Variants in EHBP1 observed in about 807,000 individuals in gnomAD.
The protein encoded by EHBP1 is EH domain binding protein 1.
EHBP1 carries 55 observed loss-of-function variants against 144.0 expected under a neutral mutation model. The observed-to-expected ratio is 0.38, with a 90% CI of 0.31 to 0.48. The LOEUF is 0.48. Among genes scored for constraint, EHBP1 ranks in the 20% least tolerant of loss-of-function variants. EHBP1 has a pLI of 0.98. For synonymous variants in EHBP1, 469 were observed against 472.7 expected (o/e 0.99, Z 0.10); for missense variants, 1,200 against 1,364.2 (o/e 0.88, Z 1.90).
At chr2:63,000,838 G>A (rs763950508) in intron 19 of EHBP1, among the ~76,000 whole-genome samples, 3 of 152,170 alleles carry the variant, frequency 2.0e-5, no homozygotes, top group Admixed American at 1.3e-4. Context: ...GTGTGTGTAC[G>A]TCTGTGTATA....
Position 62,863,837 on chromosome 2 carries a change from G to GTTTTTTTTTTTTTTTTT in EHBP1, c.758-892_758-891insTTTTTTTTTTTTTTTTT, listed in dbSNP as rs1354945636. 5.4e-5 allele frequency among the ~76,000 whole-genome samples: 4 copies of GTTTTTTTTTTTTTTTTT among 74,576 alleles called. 1 individual carries two copies. The highest frequency in any genetic ancestry group is 1.5e-4 in the African/African-American group (3 of 20,316). 48.9% of individuals were successfully genotyped at this position (74,576 alleles called of 152,430 possible). On this transcript the variant is annotated intron_variant, in intron 8 of 22. Transcript: ENST00000431489. ...ATTTTTTTAAATTTTATTTTTCTGT[G>GTTTTTTTTTTTTTTTTT]TTGTTTTTTTTTTTTTTTTTTTTTT...
chr2:62,952,086 T>C (rs2057422767), intron 13 of EHBP1, among the ~76,000 whole-genome samples: 1 of 152,200 alleles, frequency 6.6e-6, no homozygotes, highest in African/African-American at 2.4e-5. Flanking sequence ...TCTATTCAGA[T>C]GATTAAAGTG....
intron 19 of EHBP1, among the ~76,000 whole-genome samples, chr2:63,028,017 C>T (rs2061059692): frequency 6.6e-6 from 1 of 152,054 alleles, no homozygotes; most frequent in African/African-American, 2.4e-5. Flanking sequence ...CCTGTCTTGG[C>T]CTCTGAAAGT....
intron 14 of EHBP1, among the ~76,000 whole-genome samples, chr2:62,970,408 T>C (rs1283518430): frequency 1.3e-5 from 2 of 152,168 alleles, no homozygotes; most frequent in Non-Finnish European, 2.9e-5. Context: ...TGGGTTTTTT[T>C]TGGTAGAAAC....
intron 14 of EHBP1, among the ~76,000 whole-genome samples, chr2:62,959,976 A>T (rs764119527): frequency 2.0e-5 from 3 of 152,200 alleles, no homozygotes; most frequent in Non-Finnish European, 4.4e-5. Context: ...CAGTACAGTT[A>T]GCTACTTGTG....
intron 12 of EHBP1, among the ~76,000 whole-genome samples, chr2:62,947,491 A>G (rs764193759): frequency 6.6e-6 from 1 of 152,210 alleles, no homozygotes; most frequent in Non-Finnish European, 1.5e-5. Context: ...ACTTTCTCTG[A>G]GAGTATATCT....
intron 3 of EHBP1, among the ~76,000 whole-genome samples, chr2:62,751,582 C>A (rs191135567): frequency 6.6e-6 from 1 of 152,052 alleles, no homozygotes; most frequent in Non-Finnish European, 1.5e-5. Context: ...CTTGTACCTC[C>A]GGTAGAATTC....
intron 21 of EHBP1, chr2:63,044,617 G>C (rs2061851101): frequency 6.5e-6 from 1 of 153,740 alleles, no homozygotes; most frequent in Admixed American, 6.4e-5. Context: ...GGGTGAGAGT[G>C]GGGGTGGGGG....
intron 19 of EHBP1, among the ~76,000 whole-genome samples, chr2:63,007,806 A>G (rs946590953): frequency 6.6e-6 from 1 of 151,858 alleles, no homozygotes; most frequent in African/African-American, 2.4e-5. Flanking sequence ...TTTTTAGTAC[A>G]TCTCTATTGA....
At chr2:62,973,132 TG>T (rs1215338618) in intron 14 of EHBP1, among the ~76,000 whole-genome samples, 2 of 152,132 alleles carry the variant, frequency 1.3e-5, no homozygotes, top group African/African-American at 2.4e-5. Context: ...GGGAGTATTA[TG>T]GGGGGTAGAG....
At chr2:62,810,552 T>A (rs2044907303) in intron 5 of EHBP1, among the ~76,000 whole-genome samples, 1 of 152,078 alleles carries the variant, frequency 6.6e-6, no homozygotes, top group Non-Finnish European at 1.5e-5. Flanking sequence ...TGGAGATGAG[T>A]TCAGTTTGGC....
intron 19 of EHBP1, among the ~76,000 whole-genome samples, chr2:63,009,468 C>A (rs1390725280): frequency 6.6e-6 from 1 of 151,548 alleles, no homozygotes; most frequent in Non-Finnish European, 1.5e-5. Context: ...GCTGATTTCA[C>A]CCTCTTTAGG....
chr2:62,691,428 G>A (rs1018911780), intron 1 of EHBP1, among the ~76,000 whole-genome samples: 1 of 152,176 alleles, frequency 6.6e-6, no homozygotes, highest in Non-Finnish European at 1.5e-5. Context: ...CTTTCTAGAA[G>A]TTATACACAA....
chr2:62,969,990 C>G (rs983429362), intron 14 of EHBP1, among the ~76,000 whole-genome samples: 3 of 152,078 alleles, frequency 2.0e-5, no homozygotes, highest in Non-Finnish European at 4.4e-5. Flanking sequence ...CTACCTAAAC[C>G]TTCTAAAATC....
At chr2:62,890,410 T>C (rs929364936) in intron 10 of EHBP1, among the ~76,000 whole-genome samples, 1 of 152,224 alleles carries the variant, frequency 6.6e-6, no homozygotes. Flanking sequence ...CATCTCTGAT[T>C]TCTTTGAGCA....
intron 1 of EHBP1, among the ~76,000 whole-genome samples, chr2:62,690,484 A>T (rs970553320): frequency 6.6e-6 from 1 of 151,906 alleles, no homozygotes; most frequent in East Asian, 1.9e-4. Context: ...AATTGCTTGA[A>T]CCCAGGAGGT....
At chr2:62,932,991 T>A (rs1274597866) in intron 10 of EHBP1, among the ~76,000 whole-genome samples, 1 of 151,314 alleles carries the variant, frequency 6.6e-6, no homozygotes, top group African/African-American at 2.4e-5. Flanking sequence ...GTAAATATTA[T>A]GTGTATTTTA....
At chr2:62,863,188 T>G (rs1305646818) in intron 8 of EHBP1, among the ~76,000 whole-genome samples, 1 of 151,730 alleles carries the variant, frequency 6.6e-6, no homozygotes, top group Non-Finnish European at 1.5e-5. Flanking sequence ...GAGGCTGAGG[T>G]GGGAGAAATT....
chr2:62,759,793 C>G (rs189363881), intron 3 of EHBP1, among the ~76,000 whole-genome samples: 3 of 152,290 alleles, frequency 2.0e-5, no homozygotes, highest in Admixed American at 1.3e-4. Context: ...TACCATAACT[C>G]TTTCTAGTTA....
Sources: gnomAD v4.1 joint callset for allele counts (sites outside exome capture counted in the v4.1 genomes callset) on GRCh38, gnomAD v4.1.1 for gene constraint, MANE v1.5 for transcripts, NCBI Gene and HGNC (gene_info 2026-07-23, HGNC 2026-07-21) for gene names.